Variants in ADAMTS17 observed in about 807,000 individuals in gnomAD.
ADAMTS17 encodes A disintegrin and metalloproteinase with thrombospondin motifs 17.
In ADAMTS17, 113 loss-of-function variants were observed where a neutral mutation model predicts 141.5. The ratio of observed to expected loss-of-function variants is 0.80; its 90% confidence interval spans 0.69 to 0.93. The LOEUF is 0.93. ADAMTS17 is among the 40% of genes least tolerant of loss of function. ADAMTS17 has a pLI of 0.00. For missense variants in ADAMTS17, 1,659 were observed against 1,517.9 expected (o/e 1.09, Z -1.54); for synonymous variants, 768 against 630.6 (o/e 1.22, Z -3.27).
At chr15:100,025,556 C>T (rs941511762) in intron 18 of ADAMTS17, among the ~76,000 whole-genome samples, 4 of 151,908 alleles carry the variant, frequency 2.6e-5, no homozygotes, top group Non-Finnish European at 4.4e-5. Context: ...GGATTATAGG[C>T]ACTCGCCACC....
At chr15:100,290,174 T>C (rs927231029) in intron 3 of ADAMTS17, among the ~76,000 whole-genome samples, 6 of 152,150 alleles carry the variant, frequency 3.9e-5, no homozygotes, top group East Asian at 3.9e-4. Context: ...TTCAGATATA[T>C]AATCAATGCA....
intron 15 of ADAMTS17, among the ~76,000 whole-genome samples, chr15:100,082,261 T>A (rs2034791241): frequency 6.6e-6 from 1 of 152,220 alleles, no homozygotes; most frequent in Non-Finnish European, 1.5e-5. Flanking sequence ...AGATGGGGTT[T>A]TACCATGTTA....
chr15:100,317,353 C>T (rs1277659707), intron 3 of ADAMTS17, among the ~76,000 whole-genome samples: 3 of 152,188 alleles, frequency 2.0e-5, no homozygotes, highest in African/African-American at 4.8e-5. Context: ...CTCTGGAAAG[C>T]ACTGAAGTCC....
At chr15:100,221,072 C>A (rs1377272230) in intron 7 of ADAMTS17, among the ~76,000 whole-genome samples, 1 of 152,128 alleles carries the variant, frequency 6.6e-6, no homozygotes, top group African/African-American at 2.4e-5. Context: ...TGTTTAATTT[C>A]TTGAGGAACT....
chr15:100,079,589 G>A (rs1181719231), intron 15 of ADAMTS17, among the ~76,000 whole-genome samples: 1 of 152,202 alleles, frequency 6.6e-6, no homozygotes, highest in Non-Finnish European at 1.5e-5. Context: ...TTTTGGGAAT[G>A]ACTGTGGTGA....
chr15:100,129,248 A>T (rs2037908182), intron 12 of ADAMTS17: 2 of 152,230 alleles, frequency 1.3e-5, no homozygotes, highest in South Asian at 4.1e-4. Flanking sequence ...ACCCATGACA[A>T]CCACAATCCC....
intron 6 of ADAMTS17, among the ~76,000 whole-genome samples, chr15:100,259,668 T>G (rs4965611): frequency 0.47 from 71,717 of 152,152 alleles, 17,485 homozygotes; most frequent in South Asian, 0.56. Context: ...GATTATATAT[T>G]TAATCATATC....
Position 100,254,197 on chromosome 15 carries a change from C to T in ADAMTS17, c.1032-18G>A, listed in dbSNP as rs2043249778. 1 of 1,611,336 alleles carries T rather than the reference C, an allele frequency of 6.2e-7. No individual in the cohort carries two copies. ...AATCTGTCCTAAAAAATAAAAAAGCCATCATCAGGTATATGCAGTATCCCC... is the reference window on the plus strand; with the variant it reads ...AATCTGTCCTAAAAAATAAAAAAGCTATCATCAGGTATATGCAGTATCCCC... On this transcript the variant is annotated intron_variant, in intron 6 of 21. Coordinates refer to ENST00000268070, the MANE Select transcript of ADAMTS17 (RefSeq NM_139057.4).
intron 7 of ADAMTS17, among the ~76,000 whole-genome samples, chr15:100,224,818 C>T (rs947591458): frequency 6.6e-6 from 1 of 152,252 alleles, no homozygotes; most frequent in African/African-American, 2.4e-5. Context: ...CCAAGGCTCT[C>T]AACAGTCCTA....
At chr15:100,099,485 G>A (rs747688379) in intron 14 of ADAMTS17, among the ~76,000 whole-genome samples, 2 of 152,204 alleles carry the variant, frequency 1.3e-5, no homozygotes, top group Non-Finnish European at 2.9e-5. Context: ...GAGGCTTGGT[G>A]TTCCAAGAGA....
chr15:100,080,977 G>A (rs2034695281), intron 15 of ADAMTS17, among the ~76,000 whole-genome samples: 1 of 152,194 alleles, frequency 6.6e-6, no homozygotes, highest in African/African-American at 2.4e-5. Flanking sequence ...ACTTGTGATG[G>A]TTGATACTGA....
intron 7 of ADAMTS17, among the ~76,000 whole-genome samples, chr15:100,222,080 G>A (rs2042151473): frequency 6.6e-6 from 1 of 152,206 alleles, no homozygotes; most frequent in Admixed American, 6.5e-5. Flanking sequence ...TTTCATGGCA[G>A]TCTGATCTCA....
intron 3 of ADAMTS17, among the ~76,000 whole-genome samples, chr15:100,300,669 G>T (rs2044999271): frequency 6.6e-6 from 1 of 152,212 alleles, no homozygotes; most frequent in Admixed American, 6.5e-5. Flanking sequence ...CCTCATTCTT[G>T]ATTTCCTAGA....
At position 100,333,590 on chromosome 15, in the gene ADAMTS17, G is replaced by C. The variant is rs547888535; in HGVS notation, c.451-2536C>G. 7.9e-4 allele frequency among the ~76,000 whole-genome samples: 121 copies of C among 152,342 alleles called. 1 individual carries two copies. Among genetic ancestry groups the C allele is most frequent in the Middle Eastern group, 3.4e-3 (1 of 294 alleles). On this transcript the variant is annotated intron_variant, in intron 2 of 21. Transcript: ENST00000268070. ...ACCTACTGCCTTGATTCCATGTGGA[G>C]AGGTCCTTGGATTTGGAACCTGGGA...
Position 100,295,008 on chromosome 15 carries a change from C to T in ADAMTS17, c.617-13607G>A, listed in dbSNP as rs187448338. On this transcript the variant is annotated intron_variant, in intron 3 of 21. Coordinates refer to ENST00000268070, the MANE Select transcript of ADAMTS17 (RefSeq NM_139057.4). ...CTTCTGTCCCTCTGCCTCCTGCCCC[C>T]AGCCACACCAGTGCTTTCTCAGGAC... is the stretch of plus-strand genomic sequence containing the variant. 4.4e-3 allele frequency among the ~76,000 whole-genome samples: 674 copies of T among 152,290 alleles called. 3 individuals are homozygous for T. The highest frequency in any genetic ancestry group is 6.2e-3 in the Non-Finnish European group (424 of 68,022).
intron 20 of ADAMTS17, among the ~76,000 whole-genome samples, chr15:99,990,579 T>C (rs1325744439): frequency 1.3e-5 from 2 of 151,912 alleles, no homozygotes; most frequent in African/African-American, 4.8e-5. Flanking sequence ...TCCAGAATAA[T>C]AGGGTACCTT....
At chr15:100,067,430 G>C (rs1458873839) in intron 15 of ADAMTS17, among the ~76,000 whole-genome samples, 2 of 152,210 alleles carry the variant, frequency 1.3e-5, no homozygotes, top group Non-Finnish European at 2.9e-5. Flanking sequence ...ACATTTCTAA[G>C]CACGGATAAC....
intron 8 of ADAMTS17, among the ~76,000 whole-genome samples, chr15:100,180,446 G>C (rs1174660171): frequency 6.6e-6 from 1 of 152,284 alleles, no homozygotes; most frequent in East Asian, 1.9e-4. Flanking sequence ...CTGAAGTCAG[G>C]TAATGTGATT....
chr15:100,044,635 A>G (rs945054702), intron 18 of ADAMTS17, among the ~76,000 whole-genome samples: 4 of 152,156 alleles, frequency 2.6e-5, no homozygotes, highest in Non-Finnish European at 5.9e-5. Flanking sequence ...TAATTCCAAC[A>G]TACATGTCAT....
Sources: gnomAD v4.1 joint callset for allele counts (sites outside exome capture counted in the v4.1 genomes callset) on GRCh38, gnomAD v4.1.1 for gene constraint, MANE v1.5 for transcripts, NCBI Gene and HGNC (gene_info 2026-07-23, HGNC 2026-07-21) for gene names.